MAPKAPK2: variants seen among roughly 807,000 people sequenced by gnomAD.
The protein encoded by MAPKAPK2 is MAP kinase-activated protein kinase 2.
MAPKAPK2 carries 9 observed loss-of-function variants against 48.8 expected under a neutral mutation model. The ratio of observed to expected loss-of-function variants is 0.18; its 90% confidence interval spans 0.11 to 0.32. The LOEUF is 0.32. MAPKAPK2 is among the 10% of genes least tolerant of loss of function. MAPKAPK2 has a pLI of 1.00. For synonymous variants in MAPKAPK2, 202 were observed against 190.6 expected (o/e 1.06, Z -0.49); for missense variants, 331 against 498.3 (o/e 0.66, Z 3.20).
chr1:206,719,605 T>C (rs1553430939), intron 1 of MAPKAPK2, among the ~76,000 whole-genome samples: 1 of 152,242 alleles, frequency 6.6e-6, no homozygotes, highest in Non-Finnish European at 1.5e-5. Context: ...GGGAGAACCA[T>C]CGTCACTCCT....
chr1:206,726,485 C>T (rs1303598509), intron 1 of MAPKAPK2, among the ~76,000 whole-genome samples: 3 of 152,256 alleles, frequency 2.0e-5, no homozygotes, highest in Non-Finnish European at 4.4e-5. Context: ...CTCCTGGGAA[C>T]CTTGCCTCCT....
chr1:206,699,550 T>C (rs940824418), intron 1 of MAPKAPK2, among the ~76,000 whole-genome samples: 3 of 152,162 alleles, frequency 2.0e-5, no homozygotes, highest in African/African-American at 7.2e-5. Flanking sequence ...ATGCTTGAGA[T>C]TGGTGTGAAC....
intron 1 of MAPKAPK2, among the ~76,000 whole-genome samples, chr1:206,723,360 C>T (rs538482832): frequency 1.3e-4 from 20 of 152,172 alleles, no homozygotes; most frequent in Admixed American, 1.2e-3. Flanking sequence ...ACGTGCCAAG[C>T]GTTATTCTTA....
At chr1:206,724,566 T>TG (rs1673646253) in intron 1 of MAPKAPK2, among the ~76,000 whole-genome samples, 2 of 150,462 alleles carry the variant, frequency 1.3e-5, no homozygotes, top group African/African-American at 2.5e-5. Context: ...TTTTTTTTTT[T>TG]GTTAAATTTA....
intron 1 of MAPKAPK2, among the ~76,000 whole-genome samples, chr1:206,691,489 A>ATT (rs1553426259): frequency 1.6e-5 from 2 of 128,796 alleles, no homozygotes; most frequent in Non-Finnish European, 3.4e-5. Flanking sequence ...TAAGATATAT[A>ATT]TATATATATA....
In MAPKAPK2 at chr1:206,708,928, T is replaced by A. The variant is rs80037236; in HGVS notation, c.280-19782T>A. Among the ~76,000 whole-genome samples the A allele has an allele frequency of 4.1e-3, 624 of 152,342 alleles. 6 individuals are homozygous for A. Among genetic ancestry groups the A allele is most frequent in the African/African-American group, 0.014 (570 of 41,580 alleles). Reference sequence around the variant, plus strand: ...TCTGCATGGTGACATGTATCAGTAGTTTGTTATGCTGAGCAGTATTCCATT... The same window carrying A: ...TCTGCATGGTGACATGTATCAGTAGATTGTTATGCTGAGCAGTATTCCATT... On this transcript the variant is annotated intron_variant, in intron 1 of 9. Transcript: ENST00000367103.
intron 1 of MAPKAPK2, among the ~76,000 whole-genome samples, chr1:206,694,129 G>A (rs1293591593): frequency 3.3e-5 from 5 of 152,224 alleles, no homozygotes; most frequent in African/African-American, 7.2e-5. Context: ...GTTCTTCAGC[G>A]TGGCGTTAGT....
intron 1 of MAPKAPK2, among the ~76,000 whole-genome samples, chr1:206,697,917 C>G (rs1249918902): frequency 3.3e-5 from 5 of 152,280 alleles, no homozygotes; most frequent in Non-Finnish European, 7.3e-5. Flanking sequence ...CTGGGCCTCA[C>G]TCAGTTTCCT....
chr1:206,685,370 C>G lies in MAPKAPK2; in HGVS notation c.141C>G (p.His47Gln). 2 of 1,517,112 alleles carry G rather than the reference C, an allele frequency of 1.3e-6. No homozygotes were observed. Among genetic ancestry groups the G allele is most frequent in the Non-Finnish European group, 1.8e-6 (2 of 1,125,354 alleles). The allele number at this position is 1,517,112 out of a possible 1,614,324, so 94.0% of individuals were successfully genotyped here. ...CCCCGCAGCAGTTCCCGCAGTTCCA[C>G]GTCAAGTCCGGCCTGCAGATCAAGA... ...PPPPQQFPQFHVKSGLQIKKN... is the reference protein window; with the variant it reads ...PPPPQQFPQFQVKSGLQIKKN... The change falls in exon 1 of 10, where the codon CAC becomes CAG. Residue 47 changes from histidine (H) to glutamine (Q), a missense_variant. Around this residue, in one of 4 missense-constraint regions of MAPKAPK2, gnomAD observed 93 missense variants for 81.0 expected, o/e 1.15. Coordinates refer to ENST00000367103, the MANE Select transcript of MAPKAPK2 (RefSeq NM_032960.4).
chr1:206,713,917 C>G (rs1298548301), intron 1 of MAPKAPK2, among the ~76,000 whole-genome samples: 5 of 152,252 alleles, frequency 3.3e-5, no homozygotes, highest in Admixed American at 3.3e-4. Flanking sequence ...TAAGCGATAG[C>G]AGGACTGGAA....
intron 1 of MAPKAPK2, among the ~76,000 whole-genome samples, chr1:206,714,624 G>A (rs1303888957): frequency 3.3e-5 from 5 of 151,676 alleles, no homozygotes; most frequent in Non-Finnish European, 5.9e-5. Context: ...AATTAGTTGG[G>A]TGTGGTGGTG....
chr1:206,723,654 T>A (rs1275294224), intron 1 of MAPKAPK2, among the ~76,000 whole-genome samples: 8 of 152,256 alleles, frequency 5.3e-5, no homozygotes, highest in African/African-American at 1.9e-4. Flanking sequence ...GCCAGGCTTC[T>A]AATGCTGACC....
chr1:206,699,591 C>T (rs933268879), intron 1 of MAPKAPK2, among the ~76,000 whole-genome samples: 6 of 152,208 alleles, frequency 3.9e-5, no homozygotes, highest in South Asian at 2.1e-4. Flanking sequence ...GGAGAAGTCA[C>T]GAAGGAGGCA....
Position 206,685,260 on chromosome 1 carries a change from C to T in MAPKAPK2, c.31C>T (p.Pro11Ser). The change falls in exon 1 of 10, where the codon CCG becomes TCG. Residue 11 changes from proline to serine, a missense_variant. Coordinates refer to ENST00000367103, the MANE Select transcript of MAPKAPK2 (RefSeq NM_032960.4). MLSNSQGQSP[P>S]VPFPAPAPPP... The stretch of plus-strand genomic sequence containing the variant: ...GTCCAACTCCCAGGGCCAGAGCCCG[C>T]CGGTGCCGTTCCCCGCCCCGGCCCC... 1.5e-6 allele frequency: 1 copy of T among 653,032 alleles called. No homozygotes were observed. Among genetic ancestry groups the T allele is most frequent in the Non-Finnish European group, 2.2e-6 (1 of 447,708 alleles). The allele number at this position is 653,032 out of a possible 1,614,324, so 40.5% of individuals were successfully genotyped here. A position where few individuals can be genotyped will look rare whatever the true frequency, so the allele number is the denominator to read the frequency against.
intron 1 of MAPKAPK2, among the ~76,000 whole-genome samples, chr1:206,711,836 T>G (rs1430095930): frequency 6.6e-6 from 1 of 152,016 alleles, no homozygotes; most frequent in Non-Finnish European, 1.5e-5. Flanking sequence ...TTGCCCAGGT[T>G]GGTCTCAAAC....
Position 206,691,831 on chromosome 1 carries a change from G to A in MAPKAPK2, c.279+6323G>A, listed in dbSNP as rs370877924. Among the ~76,000 whole-genome samples, 25 of 152,242 alleles carry A rather than the reference G, an allele frequency of 1.6e-4. No homozygotes were observed. The East Asian group carries it at 3.7e-3, about 22-fold the overall frequency. The stretch of plus-strand genomic sequence containing the variant: ...TCTGGGTCAGCACAGATGCCCTTTC[G>A]TAAGCTTAGTGCCTGGCTCCAGGGC... On this transcript the variant is annotated intron_variant, in intron 1 of 9. Coordinates refer to ENST00000367103, the MANE Select transcript of MAPKAPK2 (RefSeq NM_032960.4).
intron 1 of MAPKAPK2, among the ~76,000 whole-genome samples, chr1:206,724,059 C>T (rs1673630828): frequency 6.6e-6 from 1 of 152,270 alleles, no homozygotes; most frequent in Non-Finnish European, 1.5e-5. Flanking sequence ...ACAATTCCTC[C>T]AGGCATTCTT....
chr1:206,691,504 T>TATATATATATATATATATATATATAC (rs1424297313), intron 1 of MAPKAPK2, among the ~76,000 whole-genome samples: 1,288 of 111,326 alleles, frequency 0.012, 40 homozygotes, highest in Middle Eastern at 0.023. Flanking sequence ...TATATATATA[T>TATATATATATATATATATATATATAC]ACACACATAC....
At chr1:206,687,209 C>A (rs1672313266) in intron 1 of MAPKAPK2, among the ~76,000 whole-genome samples, 1 of 152,218 alleles carries the variant, frequency 6.6e-6, no homozygotes, top group Admixed American at 6.5e-5. Context: ...GTAAAGACTT[C>A]AGAACAAAAG....
Sources: gnomAD v4.1 joint callset for allele counts (sites outside exome capture counted in the v4.1 genomes callset) on GRCh38, gnomAD v4.1.1 for gene constraint, gnomAD v4.1.1 regional missense constraint, MANE v1.5 for transcripts, NCBI Gene and HGNC (gene_info 2026-07-23, HGNC 2026-07-21) for gene names.